CSTPP1: variants seen among roughly 807,000 people sequenced by gnomAD.
The protein encoded by CSTPP1 is centriolar satellite-associated tubulin polyglutamylase complex regulator 1, also known as UPF0705 protein C11orf49.
the CSTPP1 span, among the ~76,000 whole-genome samples, chr11:47,015,932 T>C: frequency 2.7e-4 from 41 of 152,104 alleles, no homozygotes; most frequent in African/African-American, 8.4e-4. Context: ...TTTTATAAAA[T>C]CGAGCATTCA....
chr11:47,101,543 A>AT, the CSTPP1 span, among the ~76,000 whole-genome samples: 1 of 151,962 alleles, frequency 6.6e-6, no homozygotes, highest in Admixed American at 6.6e-5. Context: ...TCTCAGGAGC[A>AT]TATCATAATT....
chr11:47,112,696 T>C, the CSTPP1 span, among the ~76,000 whole-genome samples: 1 of 152,090 alleles, frequency 6.6e-6, no homozygotes, highest in African/African-American at 2.4e-5. Flanking sequence ...GCAAAGAGCT[T>C]GTCTATTTCT....
At chr11:47,070,501 G>T in the CSTPP1 span, among the ~76,000 whole-genome samples, 1 of 152,030 alleles carries the variant, frequency 6.6e-6, no homozygotes, top group South Asian at 2.1e-4. Context: ...AAGGGGCCTG[G>T]GAATTAATTT....
chr11:47,050,895 T>C, the CSTPP1 span, among the ~76,000 whole-genome samples: 1 of 152,224 alleles, frequency 6.6e-6, no homozygotes, highest in Non-Finnish European at 1.5e-5. Context: ...GAAGTAGATT[T>C]CTATGCTAGC....
At chr11:47,143,585 G>C in the CSTPP1 span, among the ~76,000 whole-genome samples, 2 of 152,184 alleles carry the variant, frequency 1.3e-5, no homozygotes, top group Admixed American at 6.5e-5. Context: ...AAAAGAAAAA[G>C]CAAACAGACT....
the CSTPP1 span, among the ~76,000 whole-genome samples, chr11:47,036,235 AT>A: frequency 1.8e-4 from 10 of 55,370 alleles, no homozygotes; most frequent in African/African-American, 5.7e-4. Flanking sequence ...TATATAATAT[AT>A]TATATTTATA....
At chr11:47,082,519 G>A in the CSTPP1 span, among the ~76,000 whole-genome samples, 3 of 151,984 alleles carry the variant, frequency 2.0e-5, no homozygotes, top group Non-Finnish European at 4.4e-5. Context: ...TTGTATAAGT[G>A]GTTCTTTAAA....
chr11:47,156,936 CAG>C, the CSTPP1 span: 2 of 1,406,842 alleles, frequency 1.4e-6, no homozygotes. Context: ...ACTGGGCTGA[CAG>C]AGAAGGGAAG....
At chr11:46,958,607 G>A in the CSTPP1 span, among the ~76,000 whole-genome samples, 1 of 152,148 alleles carries the variant, frequency 6.6e-6, no homozygotes, top group South Asian at 2.1e-4. Flanking sequence ...ACTATACCCA[G>A]GCCCCACTTT....
chr11:47,141,878 AG>A, the CSTPP1 span, among the ~76,000 whole-genome samples: 1 of 134,598 alleles, frequency 7.4e-6, no homozygotes, highest in Admixed American at 8.3e-5. Flanking sequence ...GGTTGCAGTG[AG>A]CCGAGATCAT....
At chr11:47,078,061 T>C in the CSTPP1 span, among the ~76,000 whole-genome samples, 1 of 152,190 alleles carries the variant, frequency 6.6e-6, no homozygotes, top group Non-Finnish European at 1.5e-5. Context: ...CATGAAAAGA[T>C]GGACAGATGG....
chr11:46,987,412 T>C, the CSTPP1 span: 2 of 968,678 alleles, frequency 2.1e-6, no homozygotes, highest in South Asian at 1.3e-5. Context: ...GATTAGGTAG[T>C]GGCAGTGAAT....
the CSTPP1 span, chr11:47,138,007 A>G: frequency 1.9e-6 from 1 of 524,506 alleles, no homozygotes; most frequent in Non-Finnish European, 3.4e-6. Flanking sequence ...GACCCCTCCA[A>G]TACCCCCACA....
the CSTPP1 span, among the ~76,000 whole-genome samples, chr11:47,085,209 A>C: frequency 4.6e-5 from 7 of 152,192 alleles, no homozygotes; most frequent in African/African-American, 1.7e-4. Flanking sequence ...TCTCAAACAA[A>C]CAAACAAACA....
At chr11:47,080,381 G>A in the CSTPP1 span, among the ~76,000 whole-genome samples, 1 of 152,124 alleles carries the variant, frequency 6.6e-6, no homozygotes, top group African/African-American at 2.4e-5. Flanking sequence ...CTTGAACCCG[G>A]GAGATGGAGG....
the CSTPP1 span, among the ~76,000 whole-genome samples, chr11:47,150,819 G>A: frequency 6.6e-6 from 1 of 151,164 alleles, no homozygotes; most frequent in Non-Finnish European, 1.5e-5. Flanking sequence ...GGCAGATGGA[G>A]CGGGCTCACA....
chr11:47,085,071 G>T, the CSTPP1 span, among the ~76,000 whole-genome samples: 1 of 152,100 alleles, frequency 6.6e-6, no homozygotes, highest in African/African-American at 2.4e-5. Context: ...GGGCGTGGTG[G>T]TGGACACCTG....
At chr11:47,052,661 T>C in the CSTPP1 span, 1 of 1,164,892 alleles carries the variant, frequency 8.6e-7, no homozygotes, top group Admixed American at 2.9e-5. Flanking sequence ...TAAATATTGT[T>C]TGAATGCATG....
the CSTPP1 span, among the ~76,000 whole-genome samples, chr11:47,027,879 G>A: frequency 1.3e-5 from 2 of 150,084 alleles, no homozygotes; most frequent in East Asian, 3.9e-4. Flanking sequence ...GAAGAAGATT[G>A]TTAGTGCTCA....
Sources: allele counts gnomAD v4.1 joint callset (sites outside exome capture counted in the v4.1 genomes callset), GRCh38; gene constraint gnomAD v4.1.1; transcripts MANE v1.5; gene names NCBI Gene and HGNC (gene_info 2026-07-23, HGNC 2026-07-21).